KEAP1: variants seen among roughly 807,000 people sequenced by gnomAD.
KEAP1 encodes the protein kelch-like ECH-associated protein 1.
Under a neutral mutation model 59.7 loss-of-function variants are expected in KEAP1, and 26 were observed. The ratio of observed to expected loss-of-function variants is 0.44; its 90% CI spans 0.32 to 0.60. The LOEUF (loss-of-function observed/expected upper bound fraction) is 0.60, where lower values mean the gene tolerates loss of function less well. Among genes scored for constraint, KEAP1 ranks in the 20% least tolerant of loss-of-function variants. The pLI, the probability that KEAP1 is intolerant of heterozygous loss-of-function variation, is 0.06. For missense variants in KEAP1, 539 were observed against 871.4 expected, an observed-to-expected ratio of 0.62 and a Z score of 4.80; for synonymous variants, 350 against 358.3, an observed-to-expected ratio of 0.98 and a Z score of 0.26.
intron 2 of KEAP1, among the ~76,000 whole-genome samples, chr19:10,493,600 T>TGCCCAG (rs1220480250): frequency 6.9e-6 from 1 of 144,638 alleles, no homozygotes; most frequent in Non-Finnish European, 1.5e-5. Flanking sequence ...CTCGCTCTTT[T>TGCCCAG]GCCCAGGCCG....
At position 10,491,768 on chromosome 19, in the gene KEAP1, G is replaced by T. The variant is rs769224942; in HGVS notation, c.1134C>A (p.Gly378=). ...TGCCGTCGGGCGAGTTGTTCCTGCC[G>T]CCCACGGCGTACAACAGCCCGCCCA... ...CVVGGLLYAV[G]GRNNSPDGNT... The change falls in exon 3 of 6, where the codon GGC becomes GGA. Residue 378 remains glycine, a synonymous_variant. Transcript: ENST00000171111. The surrounding 1 kb of genome is among the most constrained non-coding windows in gnomAD (Gnocchi z 5.2). The T allele has an allele frequency of 2.5e-6, 4 of 1,573,542 alleles. No individual in the cohort carries two copies.
intron 2 of KEAP1, among the ~76,000 whole-genome samples, chr19:10,494,790 G>T (rs1452378365): frequency 6.6e-6 from 1 of 150,828 alleles, no homozygotes; most frequent in African/African-American, 2.4e-5. Flanking sequence ...GAGTAGCTGG[G>T]ACTACAGGTG....
chr19:10,489,142 T>C (rs2144585471), intron 5 of KEAP1, 50 bp downstream of exon 5: 2 of 1,010,766 alleles, frequency 2.0e-6, no homozygotes, highest in East Asian at 3.0e-5. Flanking sequence ...GCAAAAGCAG[T>C]CCACAAAAGA....
At chr19:10,490,818 C>G (rs1376404453) in intron 3 of KEAP1, 1 of 152,214 alleles carries the variant, frequency 6.6e-6, no homozygotes, top group African/African-American at 2.4e-5. Context: ...TTCAAAAACA[C>G]ATCTGATAAA....
rs1451128868 is a variant in KEAP1, at chr19:10,502,821, T to C, written c.-48+420A>G. The C allele has an allele frequency of 6.6e-6, 1 of 151,882 alleles. No homozygotes were observed. The highest frequency in any genetic ancestry group is 2.4e-5 in the African/African-American group (1 of 41,372). 9.4% of individuals were successfully genotyped at this position (151,882 alleles called of 1,614,324 possible). A position where few individuals can be genotyped will look rare whatever the true frequency, so the allele number is the denominator to read the frequency against. Reference sequence around the variant, plus strand: ...ACTAAGCAGAGCCGGGCGCCCGCCGTGTCACAATAAAAGTCCCCGGGCCCT... The same window carrying C: ...ACTAAGCAGAGCCGGGCGCCCGCCGCGTCACAATAAAAGTCCCCGGGCCCT... On this transcript the variant is annotated intron_variant, in intron 1 of 5. Coordinates refer to ENST00000171111, the MANE Select transcript of KEAP1 (RefSeq NM_203500.2). The surrounding 1 kb of genome is among the most constrained non-coding windows in gnomAD (Gnocchi z 4.0).
At chr19:10,488,870 G>T (rs915675183) in intron 5 of KEAP1, among the ~76,000 whole-genome samples, 1 of 151,852 alleles carries the variant, frequency 6.6e-6, no homozygotes, top group African/African-American at 2.4e-5. Context: ...GGTGGAGGTT[G>T]CAGTGAGCTG....
At chr19:10,494,960 G>T (rs79342923) in intron 2 of KEAP1, among the ~76,000 whole-genome samples, 11,979 of 145,570 alleles carry the variant, frequency 0.082, 555 homozygotes, top group Non-Finnish European at 0.092. Context: ...GGCCTCTTTT[G>T]TTTCTTTTTT....
In KEAP1 at chr19:10,499,548, G is replaced by A. The variant is rs1343429644; in HGVS notation, c.486C>T (p.Tyr162=). 2.5e-6 allele frequency: 4 copies of A among 1,614,190 alleles called. No homozygotes were observed. In the South Asian group the frequency reaches 3.3e-5, roughly 13 times the overall value. The change falls in exon 2 of 6, where the codon TAC becomes TAT. Residue 162 remains tyrosine (Y), a synonymous_variant. Coordinates refer to ENST00000171111, the MANE Select transcript of KEAP1 (RefSeq NM_203500.2). This position sits in a 1 kb window ranked among gnomAD's most constrained non-coding sequence, Gnocchi z 6.7. ...AGGCACGGACAACGCTGTCGATCTG[G>A]TACATGACAGCACCGTTCATGACGT... ...VLHVMNGAVM[Y]QIDSVVRACS...
intron 1 of KEAP1, among the ~76,000 whole-genome samples, chr19:10,501,790 C>T (rs938408456): frequency 2.6e-5 from 4 of 151,950 alleles, no homozygotes; most frequent in Non-Finnish European, 5.9e-5. Flanking sequence ...CAAGTGATCC[C>T]CCTCCTCGAC....
chr19:10,494,402 C>T (rs1226392879), intron 2 of KEAP1, among the ~76,000 whole-genome samples: 1 of 145,956 alleles, frequency 6.9e-6, no homozygotes, highest in African/African-American at 2.6e-5. Flanking sequence ...GCAATCTCGG[C>T]TCACTGCAAG....
chr19:10,500,621 C>T (rs1178896410), intron 1 of KEAP1, among the ~76,000 whole-genome samples: 1 of 151,712 alleles, frequency 6.6e-6, no homozygotes. Flanking sequence ...GGAAAAACAG[C>T]TTCATGAAGA....
At chr19:10,489,115 A>T in intron 5 of KEAP1, 77 bp downstream of exon 5, 2 of 1,134,462 alleles carry the variant, frequency 1.8e-6, no homozygotes, top group Non-Finnish European at 2.4e-6. Context: ...AAAAAAAAAA[A>T]AAAAAGGAAA....
Position 10,489,221 on chromosome 19 carries a change from G to A in KEAP1, c.1679C>T (p.Thr560Ile), listed in dbSNP as rs371763603. 6.2e-7 allele frequency: 1 copy of A among 1,612,304 alleles called. No homozygotes were observed. The highest frequency in any genetic ancestry group is 8.5e-7 in the Non-Finnish European group (1 of 1,179,942). Reference sequence around the variant, plus strand: ...GACGTAGATTCTCCCCTGGTGGACAGTGATCCCCAGGGCACTTCGCCGGTG... The same window carrying A: ...GACGTAGATTCTCCCCTGGTGGACAATGATCCCCAGGGCACTTCGCCGGTG... ...MKHRRSALGI[T>I]VHQGRIYVLG... The change falls in exon 5 of 6, where the codon ACT (threonine) becomes ATT (isoleucine). Residue 560 changes from threonine to isoleucine, a missense_variant. Physicochemically the swap from Thr to Ile is moderately conservative, Grantham distance 89 (BLOSUM62 -1). This residue lies in a region of KEAP1 where 311 missense variants were observed against 425.2 expected (regional missense o/e 0.73). Coordinates refer to ENST00000171111, the MANE Select transcript of KEAP1 (RefSeq NM_203500.2).
At position 10,486,502 on chromosome 19, in the gene KEAP1, G is replaced by A. The variant is rs1914465633; in HGVS notation, c.*150C>T. On this transcript the variant is annotated 3_prime_UTR_variant, in exon 6 of 6. Transcript: ENST00000171111. Reference sequence around the variant, plus strand: ...ATGATTCCCGCTTTGGACTTCTTTTGAGATGTCATTTTAACACTGAGGCAT... The same window carrying A: ...ATGATTCCCGCTTTGGACTTCTTTTAAGATGTCATTTTAACACTGAGGCAT... 1 of 791,138 alleles carries A rather than the reference G, an allele frequency of 1.3e-6. No individual in the cohort carries two copies. Among genetic ancestry groups the A allele is most frequent in the Admixed American group, 2.3e-5 (1 of 44,034 alleles). The allele number at this position is 791,138 out of a possible 1,614,324, so 49.0% of individuals were successfully genotyped here.
intron 2 of KEAP1, among the ~76,000 whole-genome samples, chr19:10,494,780 G>A (rs577777790): frequency 2.0e-5 from 3 of 147,378 alleles, no homozygotes; most frequent in Non-Finnish European, 4.5e-5. Context: ...CTCAGCCTCC[G>A]AGTAGCTGGG....
Position 10,489,305 on chromosome 19 carries a change from T to C in KEAP1, c.1595A>G (p.Asn532Ser), listed in dbSNP as rs1180882182. ...AGGYDGQDQL[N>S]SVERYDVETE... ...TTCCACATCGTAGCGCTCCACGCTGTTCAGCTGGTCCTGACCATCATAGCC... is the reference window on the plus strand; with the variant it reads ...TTCCACATCGTAGCGCTCCACGCTGCTCAGCTGGTCCTGACCATCATAGCC... The change falls in exon 5 of 6, where the codon AAC (asparagine) becomes AGC (serine). Residue 532 changes from asparagine (N) to serine (S), a missense_variant. Asn to Ser is a conservative substitution (Grantham distance 46, BLOSUM62 1). Coordinates refer to ENST00000171111, the MANE Select transcript of KEAP1 (RefSeq NM_203500.2). The C allele has an allele frequency of 1.9e-6, 3 of 1,613,912 alleles. No individual in the cohort carries two copies. The highest frequency in any genetic ancestry group is 8.5e-7 in the Non-Finnish European group (1 of 1,180,018).
Position 10,486,544 on chromosome 19 carries a change from G to T in KEAP1, c.*108C>A, listed in dbSNP as rs1568395555. On this transcript the variant is annotated 3_prime_UTR_variant, in exon 6 of 6. Transcript: ENST00000171111. The stretch of plus-strand genomic sequence containing the variant: ...CTGAGGCATCCTGGCCTCCCTTCCC[G>T]GAAGATGGGTTATTTGCAGTGCTGT... 1 of 1,147,944 alleles carries T rather than the reference G, an allele frequency of 8.7e-7. No individual in the cohort carries two copies. Among genetic ancestry groups the T allele is most frequent in the Non-Finnish European group, 1.3e-6 (1 of 794,634 alleles). The allele number at this position is 1,147,944 out of a possible 1,614,324, so 71.1% of individuals were successfully genotyped here. A position where few individuals can be genotyped will look rare whatever the true frequency, so the allele number is the denominator to read the frequency against.
intron 4 of KEAP1, 104 bp downstream of exon 4, chr19:10,489,544 G>A: frequency 1.5e-6 from 2 of 1,367,632 alleles, no homozygotes; most frequent in Non-Finnish European, 2.0e-6. Flanking sequence ...GGTTACCCCA[G>A]CATGAGGGTT....
intron 2 of KEAP1, among the ~76,000 whole-genome samples, chr19:10,498,518 AT>A (rs1373846144): frequency 6.6e-6 from 1 of 151,876 alleles, no homozygotes; most frequent in Non-Finnish European, 1.5e-5. Context: ...TCTCTTGTCA[AT>A]TTCTATAGAT....
Sources: gnomAD v4.1 joint callset for allele counts (sites outside exome capture counted in the v4.1 genomes callset) on GRCh38, gnomAD v4.1.1 for gene constraint, gnomAD v4.1.1 regional missense constraint, Gnocchi (gnomAD v3.1) non-coding constraint, MANE v1.5 for transcripts, NCBI Gene and HGNC (gene_info 2026-07-23, HGNC 2026-07-21) for gene names.